The following STAC variants were observed in gnomAD, a reference collection of about 807,000 sequenced individuals.
STAC encodes the protein SH3 and cysteine-rich domain-containing protein.
In STAC, 43 loss-of-function variants were observed where a neutral mutation model predicts 48.8. That is an observed-to-expected ratio of 0.88 (90% confidence interval 0.69 to 1.14). The LOEUF (loss-of-function observed/expected upper bound fraction) is 1.14, where lower values mean the gene tolerates loss of function less well. Among genes scored for constraint, STAC ranks in the 50% most tolerant of loss-of-function variants. The pLI, the probability that STAC is intolerant of heterozygous loss-of-function variation, is 0.00. For synonymous variants in STAC, 193 were observed against 179.5 expected (o/e 1.07, Z -0.60); for missense variants, 497 against 504.0 (o/e 0.99, Z 0.13).
chr3:36,512,544 AG>A (rs2125718399), intron 8 of STAC, among the ~76,000 whole-genome samples: 1 of 149,880 alleles, frequency 6.7e-6, no homozygotes, highest in South Asian at 2.1e-4. Context: ...TTTTTAAAAA[AG>A]TAATTTCAGA....
intron 10 of STAC, among the ~76,000 whole-genome samples, chr3:36,531,131 G>A (rs911438589): frequency 2.0e-5 from 3 of 152,124 alleles, no homozygotes; most frequent in Non-Finnish European, 2.9e-5. Flanking sequence ...ATAAATGCTG[G>A]GAGACATTAG....
At chr3:36,512,178 T>C (rs1698558886) in intron 8 of STAC, among the ~76,000 whole-genome samples, 1 of 152,180 alleles carries the variant, frequency 6.6e-6, no homozygotes, top group Non-Finnish European at 1.5e-5. Flanking sequence ...CATGCTGAAC[T>C]CACTGGCTGA....
In STAC at chr3:36,408,186, C is replaced by T. The variant is rs994602359; in HGVS notation, c.111+27432C>T. ...TGACTATCCCATCACTTTTCCCATA[C>T]GATGTAAGCTAATCAAGGGAGTTAC... On this transcript the variant is annotated intron_variant, in intron 1 of 10. Coordinates refer to ENST00000273183, the MANE Select transcript of STAC (RefSeq NM_003149.3). Among the ~76,000 whole-genome samples the T allele has an allele frequency of 1.3e-4, 20 of 152,214 alleles. 1 individual carries two copies. The highest frequency in any genetic ancestry group is 1.2e-3 in the Admixed American group (18 of 15,276).
chr3:36,398,404 GAA>G lies in STAC; in HGVS notation c.111+17652_111+17653del, dbSNP rs879337274. 1.4e-3 allele frequency among the ~76,000 whole-genome samples: 204 copies of G among 142,376 alleles called. 1 individual carries two copies. The highest frequency in any genetic ancestry group is 3.6e-3 in the Middle Eastern group (1 of 274). 93.4% of individuals were successfully genotyped at this position (142,376 alleles called of 152,430 possible). Reference sequence around the variant, plus strand: ...AGAAAGAAAGAAAGAGAGGTAAAGAGAAAGAGAGAGGGAAGGAAGGAAGGAAG... The same window carrying G: ...AGAAAGAAAGAAAGAGAGGTAAAGAGAGAGAGAGGGAAGGAAGGAAGGAAG... On this transcript the variant is annotated intron_variant, in intron 1 of 10. Transcript: ENST00000273183.
intron 1 of STAC, among the ~76,000 whole-genome samples, chr3:36,388,880 G>C (rs533506467): frequency 6.6e-6 from 1 of 151,992 alleles, no homozygotes; most frequent in South Asian, 2.1e-4. Flanking sequence ...TGACTATTAT[G>C]CTTCAATTTT....
intron 2 of STAC, among the ~76,000 whole-genome samples, chr3:36,445,007 CCA>C (rs1696469414): frequency 6.6e-6 from 1 of 152,204 alleles, no homozygotes; most frequent in Non-Finnish European, 1.5e-5. Flanking sequence ...CTTTCAATTT[CCA>C]CACACATTTC....
At chr3:36,437,017 A>G (rs1332063639) in intron 1 of STAC, among the ~76,000 whole-genome samples, 4 of 151,978 alleles carry the variant, frequency 2.6e-5, no homozygotes, top group Admixed American at 6.6e-5. Flanking sequence ...CAAAAAACAC[A>G]TGAAAAAATG....
intron 8 of STAC, among the ~76,000 whole-genome samples, chr3:36,522,609 G>A (rs924422799): frequency 2.6e-5 from 4 of 152,184 alleles, no homozygotes; most frequent in African/African-American, 4.8e-5. Context: ...AGCAGAAATG[G>A]AGGAGTGAGA....
At chr3:36,385,979 A>T (rs1005246604) in intron 1 of STAC, among the ~76,000 whole-genome samples, 1 of 152,050 alleles carries the variant, frequency 6.6e-6, no homozygotes, top group Non-Finnish European at 1.5e-5. Flanking sequence ...TCTTTGTGGC[A>T]CATATGAAGC....
chr3:36,516,887 A>G (rs1469802638), intron 8 of STAC, among the ~76,000 whole-genome samples: 1 of 152,162 alleles, frequency 6.6e-6, no homozygotes, highest in East Asian at 1.9e-4. Context: ...ATCTTTTCAC[A>G]ATGTATTTTC....
At chr3:36,488,694 A>G (rs575588079) in intron 5 of STAC, among the ~76,000 whole-genome samples, 1 of 152,340 alleles carries the variant, frequency 6.6e-6, no homozygotes, top group South Asian at 2.1e-4. Context: ...AAACTGAGAA[A>G]TAATATCAAA....
chr3:36,411,532 T>C (rs186595613), intron 1 of STAC, among the ~76,000 whole-genome samples: 5 of 152,218 alleles, frequency 3.3e-5, no homozygotes, highest in Admixed American at 2.0e-4. Context: ...GTGGGAGAAG[T>C]TCCAAACTGA....
At chr3:36,409,289 C>T (rs1376235544) in intron 1 of STAC, among the ~76,000 whole-genome samples, 1 of 152,098 alleles carries the variant, frequency 6.6e-6, no homozygotes, top group East Asian at 1.9e-4. Context: ...TGATTGAATG[C>T]CCCTTTCCAA....
chr3:36,511,518 A>T (rs1179726197), intron 8 of STAC, among the ~76,000 whole-genome samples: 1 of 152,210 alleles, frequency 6.6e-6, no homozygotes, highest in Non-Finnish European at 1.5e-5. Context: ...TTTCCAGTCA[A>T]ATGGTCCCCT....
At chr3:36,461,762 C>G (rs1315525307) in intron 2 of STAC, among the ~76,000 whole-genome samples, 1 of 152,076 alleles carries the variant, frequency 6.6e-6, no homozygotes, top group Non-Finnish European at 1.5e-5. Flanking sequence ...CTAGAGCAAA[C>G]CTCAAAGCAG....
chr3:36,483,324 C>T (rs1020902277), intron 3 of STAC, among the ~76,000 whole-genome samples: 1 of 152,206 alleles, frequency 6.6e-6, no homozygotes. Context: ...AACAGAGTGA[C>T]CAACTTCTCC....
rs1432187136 is a variant in STAC at position 36,436,264 on chromosome 3, G to A, written c.112-7100G>A. Reference sequence around the variant, plus strand: ...ACTTCTGATCAGGATTATCGCAAGAGTCTCCTCTCCCAACTTGTCTCCCTG... The same window carrying A: ...ACTTCTGATCAGGATTATCGCAAGAATCTCCTCTCCCAACTTGTCTCCCTG... On this transcript the variant is annotated intron_variant, in intron 1 of 10. Transcript: ENST00000273183. Among the ~76,000 whole-genome samples, 4 of 152,166 alleles carry A rather than the reference G, an allele frequency of 2.6e-5. No homozygotes were observed. In the East Asian group the frequency reaches 5.8e-4, roughly 22 times the overall value.
At chr3:36,386,521 C>A (rs1377741311) in intron 1 of STAC, among the ~76,000 whole-genome samples, 1 of 151,620 alleles carries the variant, frequency 6.6e-6, no homozygotes, top group South Asian at 2.1e-4. Flanking sequence ...CTTATGAAAT[C>A]TTTGCCTATT....
intron 10 of STAC, among the ~76,000 whole-genome samples, chr3:36,540,162 A>G (rs188358023): frequency 7.9e-5 from 12 of 152,288 alleles, no homozygotes; most frequent in Middle Eastern, 3.4e-3. Context: ...GCCAAGGAAT[A>G]TAGGTGATGA....
Sources: allele counts gnomAD v4.1 joint callset (sites outside exome capture counted in the v4.1 genomes callset), GRCh38; gene constraint gnomAD v4.1.1; transcripts MANE v1.5; gene names NCBI Gene and HGNC (gene_info 2026-07-23, HGNC 2026-07-21).